TTYH1: variants seen among roughly 807,000 people sequenced by gnomAD.
TTYH1 encodes the protein protein tweety homolog 1.
In TTYH1, 33 loss-of-function variants were observed where a neutral mutation model predicts 61.2. The ratio of observed to expected loss-of-function variants is 0.54; its 90% CI spans 0.41 to 0.72. The LOEUF (loss-of-function observed/expected upper bound fraction) is 0.72, where lower values mean the gene tolerates loss of function less well. Ranked by LOEUF, TTYH1 falls within the 30% of genes least tolerant of loss-of-function variation. The pLI, the probability that TTYH1 is intolerant of heterozygous loss-of-function variation, is 0.00. For synonymous variants in TTYH1, 308 were observed against 266.4 expected, an observed-to-expected ratio of 1.16 and a Z score of -1.52; for missense variants, 538 against 575.8, an observed-to-expected ratio of 0.93 and a Z score of 0.67.
intron 4 of TTYH1, among the ~76,000 whole-genome samples, chr19:54,425,590 G>T (rs924791536): frequency 3.3e-5 from 5 of 152,190 alleles, no homozygotes; most frequent in African/African-American, 9.7e-5. Context: ...CACCTTCCCA[G>T]CTAGGCTTAG....
At chr19:54,417,609 T>C (rs1285510580) in intron 1 of TTYH1, among the ~76,000 whole-genome samples, 1 of 135,914 alleles carries the variant, frequency 7.4e-6, no homozygotes, top group African/African-American at 2.9e-5. Flanking sequence ...TACTCCCATA[T>C]ACAAGCACAC....
At chr19:54,424,142 C>T (rs1183679624) in intron 4 of TTYH1, among the ~76,000 whole-genome samples, 2 of 150,864 alleles carry the variant, frequency 1.3e-5, no homozygotes, top group African/African-American at 2.4e-5. Flanking sequence ...GCCTGGGTGA[C>T]GGAGCGAGAA....
At chr19:54,423,590 C>T (rs555843756) in intron 4 of TTYH1, among the ~76,000 whole-genome samples, 3 of 152,304 alleles carry the variant, frequency 2.0e-5, no homozygotes, top group Middle Eastern at 3.4e-3. Context: ...CTTTGCAGAC[C>T]TCTGCCTTGG....
chr19:54,425,294 G>T (rs947504063), intron 4 of TTYH1, among the ~76,000 whole-genome samples: 1 of 152,230 alleles, frequency 6.6e-6, no homozygotes, highest in East Asian at 1.9e-4. Context: ...AGCTCAAGCC[G>T]TAACAGACAC....
intron 10 of TTYH1, 151 bp from the exon 11 acceptor site, chr19:54,435,391 G>C: frequency 1.1e-6 from 1 of 946,868 alleles, no homozygotes; most frequent in Non-Finnish European, 1.6e-6. Context: ...TGTATTCTCA[G>C]AACTGCCCTT....
intron 4 of TTYH1, among the ~76,000 whole-genome samples, chr19:54,423,496 A>G (rs1276628882): frequency 1.3e-5 from 2 of 152,124 alleles, no homozygotes; most frequent in Non-Finnish European, 2.9e-5. Context: ...CCCTCTGGTG[A>G]AAGAGGCAGC....
chr19:54,415,702 G>T lies in TTYH1; in HGVS notation c.126+24G>T. The T allele has an allele frequency of 6.5e-7, 1 of 1,528,802 alleles. No homozygotes were observed. The highest frequency in any genetic ancestry group is 2.5e-5 in the East Asian group (1 of 40,538). 94.7% of individuals were successfully genotyped at this position (1,528,802 alleles called of 1,614,324 possible). On this transcript the variant is annotated intron_variant, in intron 1 of 13. Coordinates refer to ENST00000376530, the MANE Select transcript of TTYH1 (RefSeq NM_020659.4). The surrounding 1 kb of genome is among the most constrained non-coding windows in gnomAD (Gnocchi z 5.2). ...AGGTGGGACCGGGCGCCAGGGCCTG[G>T]GGGCCAGGGCTGGGGGCCGGAGCTC...
chr19:54,426,124 C>T (rs929289042), intron 4 of TTYH1, among the ~76,000 whole-genome samples: 1 of 152,208 alleles, frequency 6.6e-6, no homozygotes. Context: ...TCATGCAGCC[C>T]ACTCGAGGCA....
Position 54,420,772 on chromosome 19 carries a change from C to T in TTYH1, c.306-505C>T. 5.9e-6 allele frequency: 1 copy of T among 170,426 alleles called. No individual in the cohort carries two copies. Among genetic ancestry groups the T allele is most frequent in the South Asian group, 1.9e-4 (1 of 5,138 alleles). 10.6% of individuals were successfully genotyped at this position (170,426 alleles called of 1,614,324 possible). A position where few individuals can be genotyped will look rare whatever the true frequency, so the allele number is the denominator to read the frequency against. ...CCCCCCAGGAGATGGTGGCAGCTGC[C>T]CCCCTTGTACCCTTAGGAACCCCCA... On this transcript the variant is annotated intron_variant, in intron 2 of 13. Coordinates refer to ENST00000376530, the MANE Select transcript of TTYH1 (RefSeq NM_020659.4). The surrounding 1 kb of genome is among the most constrained non-coding windows in gnomAD (Gnocchi z 4.8).
At chr19:54,428,079 GTTTTTTTTTTTT>G (rs936820982) in intron 5 of TTYH1, among the ~76,000 whole-genome samples, 22 of 62,476 alleles carry the variant, frequency 3.5e-4, no homozygotes, top group Admixed American at 1.8e-3. Flanking sequence ...TCCCGGCTAA[GTTTTTTTTTTTT>G]TTTTTTTTTT....
chr19:54,430,171 G>A (rs1224867000), intron 7 of TTYH1, among the ~76,000 whole-genome samples: 1 of 152,190 alleles, frequency 6.6e-6, no homozygotes, highest in Admixed American at 6.5e-5. Flanking sequence ...CATCCCTTCT[G>A]CTCCAGCTGG....
chr19:54,417,717 T>TAC (rs2083116961), intron 1 of TTYH1, among the ~76,000 whole-genome samples: 1 of 150,088 alleles, frequency 6.7e-6, no homozygotes, highest in Non-Finnish European at 1.5e-5. Flanking sequence ...CATTCACATC[T>TAC]ACACACACAT....
At position 54,434,480 on chromosome 19, in the gene TTYH1, GGTTACCCGACCTACCCCTGCCCTGCACT is replaced by G. The variant is rs1200847023; in HGVS notation, c.1126-1060_1126-1033del. ...CTGGAGGACCCATCCCTGCTAGTGG[GGTTACCCGACCTACCCCTGCCCTGCACT>G]GACCCCCGCCCTCCTACCTCGTTGC... On this transcript the variant is annotated intron_variant, in intron 10 of 13. Transcript: ENST00000376530. This position sits in a 1 kb window ranked among gnomAD's most constrained non-coding sequence, Gnocchi z 4.3. The G allele has an allele frequency of 1.3e-5, 2 of 152,528 alleles. No homozygotes were observed. Among genetic ancestry groups the G allele is most frequent in the Non-Finnish European group, 2.9e-5 (2 of 68,368 alleles). The allele number at this position is 152,528 out of a possible 1,614,324, so 9.4% of individuals were successfully genotyped here.
Position 54,424,868 on chromosome 19 carries a change from C to T in TTYH1, c.639-1805C>T, listed in dbSNP as rs151036377. The stretch of plus-strand genomic sequence containing the variant: ...AGGAGGATTAACTGAGCACTTACTA[C>T]GTGCCGGGCACTGTGCTGTTGTTAC... On this transcript the variant is annotated intron_variant, in intron 4 of 13. Coordinates refer to ENST00000376530, the MANE Select transcript of TTYH1 (RefSeq NM_020659.4). 6.4e-3 allele frequency among the ~76,000 whole-genome samples: 979 copies of T among 152,282 alleles called. 14 individuals are homozygous for T. The highest frequency in any genetic ancestry group is 0.022 in the African/African-American group (913 of 41,556).
rs146056232 is a variant in TTYH1, at chr19:54,419,154, G to A, written c.153G>A (p.Ala51=). The stretch of plus-strand genomic sequence containing the variant: ...CCTTGTTGCTGGTGGCGGCCTTGGC[G>A]GGCCTGGGCTTGGGCCTGAGCCTCA... ...QQALLLVAAL[A]GLGLGLSLIF... is the part of the protein sequence containing the mutation. The change falls in exon 2 of 14, where the codon GCG becomes GCA. Residue 51 remains alanine (A), a synonymous_variant. Coordinates refer to ENST00000376530, the MANE Select transcript of TTYH1 (RefSeq NM_020659.4). The surrounding 1 kb of genome is among the most constrained non-coding windows in gnomAD (Gnocchi z 6.1). 4.1e-5 allele frequency: 66 copies of A among 1,612,656 alleles called. No individual in the cohort carries two copies. In the African/African-American group the frequency reaches 7.3e-4, roughly 18 times the overall value.
At chr19:54,435,148 TAGC>T (rs937319000) in intron 10 of TTYH1, 3 of 185,562 alleles carry the variant, frequency 1.6e-5, no homozygotes, top group African/African-American at 7.1e-5. Context: ...GAAACGGAAG[TAGC>T]AGTTCTCACG....
chr19:54,422,455 C>T (rs375661252), intron 4 of TTYH1, 45 bp downstream of exon 4: 216 of 1,456,330 alleles, frequency 1.5e-4, no homozygotes, highest in African/African-American at 4.1e-4. Flanking sequence ...AGCTCTCAGG[C>T]GGAGTCCCCG....
At position 54,436,754 on chromosome 19, in the gene TTYH1, C is replaced by T. The variant is rs34207530; in HGVS notation, c.*464C>T. On this transcript the variant is annotated 3_prime_UTR_variant, in exon 14 of 14. Transcript: ENST00000376530. This position sits in a 1 kb window ranked among gnomAD's most constrained non-coding sequence, Gnocchi z 4.3. ...TCCTTATTTCTCCTCTCCCTTGATTCGGCCTCCTGGCCAGGGCTGGGACAT... is the reference window on the plus strand; with the variant it reads ...TCCTTATTTCTCCTCTCCCTTGATTTGGCCTCCTGGCCAGGGCTGGGACAT... 8.7e-3 allele frequency: 2,139 copies of T among 245,828 alleles called. 23 individuals carry two copies. Among genetic ancestry groups the T allele is most frequent in the Non-Finnish European group, 0.013 (1,650 of 124,680 alleles). The allele number at this position is 245,828 out of a possible 1,614,324, so 15.2% of individuals were successfully genotyped here. A position where few individuals can be genotyped will look rare whatever the true frequency, so the allele number is the denominator to read the frequency against.
Position 54,434,223 on chromosome 19 carries a change from AC to A in TTYH1, c.1126-1314del. On this transcript the variant is annotated intron_variant, in intron 10 of 13. Coordinates refer to ENST00000376530, the MANE Select transcript of TTYH1 (RefSeq NM_020659.4). The surrounding 1 kb of genome is among the most constrained non-coding windows in gnomAD (Gnocchi z 4.3). Reference sequence around the variant, plus strand: ...GCCTCTTCCCTGTCCCCCCTCGCCTACCCCCGTCTGTCCTCCATGCAGCAGC... The same window carrying A: ...GCCTCTTCCCTGTCCCCCCTCGCCTACCCCGTCTGTCCTCCATGCAGCAGC... 1 of 150,660 alleles carries A rather than the reference AC, an allele frequency of 6.6e-6. No individual in the cohort carries two copies. The highest frequency in any genetic ancestry group is 1.5e-5 in the Non-Finnish European group (1 of 67,810). The allele number at this position is 150,660 out of a possible 1,614,324, so 9.3% of individuals were successfully genotyped here. A position where few individuals can be genotyped will look rare whatever the true frequency, so the allele number is the denominator to read the frequency against.
Sources: allele counts gnomAD v4.1 joint callset (sites outside exome capture counted in the v4.1 genomes callset), GRCh38; gene constraint gnomAD v4.1.1; non-coding constraint Gnocchi (gnomAD v3.1); transcripts MANE v1.5; gene names NCBI Gene and HGNC (gene_info 2026-07-23, HGNC 2026-07-21).